Variants in NOVA1 observed in about 807,000 individuals in gnomAD.
The protein encoded by NOVA1 is NOVA alternative splicing regulator 1.
In NOVA1, 7 loss-of-function variants were observed where a neutral mutation model predicts 38.0. That is an observed-to-expected ratio of 0.18 (90% CI 0.10 to 0.35). NOVA1 has a LOEUF of 0.35. NOVA1 is among the 10% of genes least tolerant of loss of function. The pLI is 1.00. For missense variants in NOVA1, 460 were observed against 616.0 expected (o/e 0.75, Z 2.68); for synonymous variants, 270 against 232.5 (o/e 1.16, Z -1.47).
chr14:26,592,364 A>G (rs1421570069), intron 2 of NOVA1, among the ~76,000 whole-genome samples: 1 of 151,492 alleles, frequency 6.6e-6, no homozygotes, highest in Non-Finnish European at 1.5e-5. Context: ...AAAAAGATAT[A>G]TAAGTAAATC....
chr14:26,547,973 C>T (rs1444067875), intron 2 of NOVA1, among the ~76,000 whole-genome samples: 1 of 151,910 alleles, frequency 6.6e-6, no homozygotes, highest in African/African-American at 2.4e-5. Flanking sequence ...GTAAGTAAAG[C>T]CTTTTATTCT....
chr14:26,520,029 G>T (rs541732178), intron 2 of NOVA1, among the ~76,000 whole-genome samples: 32 of 152,118 alleles, frequency 2.1e-4, no homozygotes, highest in African/African-American at 5.5e-4. Context: ...TATTTCTAGG[G>T]GAAATACAGG....
intron 2 of NOVA1, among the ~76,000 whole-genome samples, chr14:26,509,652 T>C (rs1053511623): frequency 1.3e-5 from 2 of 152,164 alleles, no homozygotes; most frequent in Admixed American, 6.6e-5. Flanking sequence ...ATTGTTTTAG[T>C]GCTGGCAGTT....
At chr14:26,526,793 A>G (rs1192597270) in intron 2 of NOVA1, among the ~76,000 whole-genome samples, 1 of 152,184 alleles carries the variant, frequency 6.6e-6, no homozygotes, top group Non-Finnish European at 1.5e-5. Context: ...GTCCAAAATA[A>G]TTTATGGGCA....
chr14:26,581,093 G>A (rs1893192420), intron 2 of NOVA1, among the ~76,000 whole-genome samples: 1 of 151,976 alleles, frequency 6.6e-6, no homozygotes, highest in African/African-American at 2.4e-5. Context: ...AAAACTGGAG[G>A]TACAAGAAGA....
chr14:26,541,147 G>A (rs1890441799), intron 2 of NOVA1, among the ~76,000 whole-genome samples: 6 of 152,142 alleles, frequency 3.9e-5, no homozygotes, highest in Admixed American at 3.9e-4. Flanking sequence ...GGGAACTTCT[G>A]ATTTGGGTTT....
In NOVA1 at chr14:26,446,078, T is replaced by A. The variant is rs1473236520; in HGVS notation, c.*1881A>T. 1.3e-5 allele frequency: 2 copies of A among 152,586 alleles called. No homozygotes were observed. Among genetic ancestry groups the A allele is most frequent in the East Asian group, 3.9e-4 (2 of 5,164 alleles). 9.5% of individuals were successfully genotyped at this position (152,586 alleles called of 1,614,324 possible). ...CTCTTTCATTTAAACAAGCATATCA[T>A]TCCCTTTTAAAATCATTCTCTAAAT... On this transcript the variant is annotated 3_prime_UTR_variant, in exon 5 of 5. Coordinates refer to ENST00000539517, the MANE Select transcript of NOVA1 (RefSeq NM_002515.3).
chr14:26,487,286 C>T (rs1158932230), intron 2 of NOVA1, among the ~76,000 whole-genome samples: 1 of 152,058 alleles, frequency 6.6e-6, no homozygotes, highest in East Asian at 1.9e-4. Context: ...CTTTCTATGT[C>T]CCTATACGCA....
chr14:26,522,218 C>G (rs529102582), intron 2 of NOVA1, among the ~76,000 whole-genome samples: 4 of 152,008 alleles, frequency 2.6e-5, no homozygotes, highest in Non-Finnish European at 5.9e-5. Flanking sequence ...AGAGTAATCA[C>G]TGTCAATTGA....
chr14:26,473,792 G>T (rs1884773530), intron 3 of NOVA1, among the ~76,000 whole-genome samples: 1 of 151,950 alleles, frequency 6.6e-6, no homozygotes, highest in South Asian at 2.1e-4. Flanking sequence ...ACAATAGTGA[G>T]TCAAACCAAG....
At chr14:26,579,796 C>T (rs1319107726) in intron 2 of NOVA1, among the ~76,000 whole-genome samples, 1 of 152,046 alleles carries the variant, frequency 6.6e-6, no homozygotes, top group African/African-American at 2.4e-5. Context: ...ACTAAAATTT[C>T]TTAGATCCTT....
intron 2 of NOVA1, among the ~76,000 whole-genome samples, chr14:26,590,034 C>T (rs1305498654): frequency 6.6e-6 from 1 of 151,878 alleles, no homozygotes; most frequent in Non-Finnish European, 1.5e-5. Flanking sequence ...GTGAGATACA[C>T]ACTGTTGCAG....
At chr14:26,586,441 T>C (rs1893517960) in intron 2 of NOVA1, among the ~76,000 whole-genome samples, 1 of 151,260 alleles carries the variant, frequency 6.6e-6, no homozygotes, top group African/African-American at 2.4e-5. Context: ...ATGGTATTTA[T>C]CTGTTGAACC....
chr14:26,548,380 A>G (rs187802026), intron 2 of NOVA1, among the ~76,000 whole-genome samples: 156 of 152,180 alleles, frequency 1.0e-3, no homozygotes, highest in Admixed American at 2.0e-3. Flanking sequence ...ATAAACATAG[A>G]TATGTGCACA....
chr14:26,499,094 T>C (rs1887060726), intron 2 of NOVA1, among the ~76,000 whole-genome samples: 1 of 152,214 alleles, frequency 6.6e-6, no homozygotes, highest in African/African-American at 2.4e-5. Flanking sequence ...GGATGAACTA[T>C]CTAATGTGCT....
intron 2 of NOVA1, among the ~76,000 whole-genome samples, chr14:26,582,919 AC>A (rs999264823): frequency 2.0e-5 from 3 of 151,796 alleles, no homozygotes; most frequent in Non-Finnish European, 4.4e-5. Flanking sequence ...ATATATGCCA[AC>A]CTAAAGTGCC....
chr14:26,567,282 CTTGT>C (rs1019358669), intron 2 of NOVA1, among the ~76,000 whole-genome samples: 2 of 127,708 alleles, frequency 1.6e-5, no homozygotes, highest in African/African-American at 5.6e-5. Context: ...ATTTAAGTGT[CTTGT>C]TTAATTTTTT....
chr14:26,528,911 A>G (rs967532580), intron 2 of NOVA1, among the ~76,000 whole-genome samples: 6 of 152,146 alleles, frequency 3.9e-5, no homozygotes, highest in Non-Finnish European at 5.9e-5. Flanking sequence ...AAAGTCTAGG[A>G]AGCCCTGGAG....
chr14:26,556,109 C>A (rs1891464284), intron 2 of NOVA1, among the ~76,000 whole-genome samples: 2 of 151,992 alleles, frequency 1.3e-5, no homozygotes, highest in Non-Finnish European at 2.9e-5. Context: ...AATGCAATAC[C>A]CATCAAAAGT....
Sources: gnomAD v4.1 joint callset for allele counts (sites outside exome capture counted in the v4.1 genomes callset) on GRCh38, gnomAD v4.1.1 for gene constraint, MANE v1.5 for transcripts, NCBI Gene and HGNC (gene_info 2026-07-23, HGNC 2026-07-21) for gene names.